CNKSR2: variants seen among roughly 807,000 people sequenced by gnomAD.
CNKSR2 encodes CNK homolog protein 2.
In CNKSR2, 14 loss-of-function variants were observed where a neutral mutation model predicts 84.4. The ratio of observed to expected loss-of-function variants is 0.17; its 90% CI spans 0.11 to 0.26. CNKSR2 has a LOEUF of 0.26. Among genes scored for constraint, CNKSR2 ranks in the 10% least tolerant of loss-of-function variants. The probability of loss-of-function intolerance (pLI) is 1.00; values close to 1 mark genes in which losing one functional copy is unlikely to be tolerated. For missense variants in CNKSR2, 485 were observed against 771.2 expected (o/e 0.63, Z 4.40); for synonymous variants, 275 against 277.9 (o/e 0.99, Z 0.10).
intron 2 of CNKSR2, among the ~76,000 whole-genome samples, chrX:21,430,928 C>T (rs1372115064): frequency 8.9e-6 from 1 of 112,154 alleles, no homozygotes; most frequent in East Asian, 2.8e-4. Flanking sequence ...AAGAATATTA[C>T]AGTTCAAATT....
chrX:21,547,816 T>C (rs1287760415), intron 11 of CNKSR2, among the ~76,000 whole-genome samples: 1 of 112,112 alleles, frequency 8.9e-6, no homozygotes, highest in East Asian at 2.8e-4. Context: ...AACAACCTGC[T>C]CCTGAATGAC....
intron 4 of CNKSR2, 97 bp downstream of exon 4, chrX:21,440,878 G>C: frequency 4.4e-6 from 2 of 454,491 alleles, no homozygotes; most frequent in Non-Finnish European, 7.3e-6. Context: ...TAAGATACTG[G>C]TTTAGAAGTT....
At chrX:21,471,847 C>T (rs138958229) in intron 5 of CNKSR2, among the ~76,000 whole-genome samples, 1,125 of 111,774 alleles carry the variant, frequency 0.01, 20 homozygotes, top group African/African-American at 0.034. Context: ...ATAATTACAA[C>T]TCCCTCACGT....
chrX:21,461,712 A>G (rs1174226891), intron 4 of CNKSR2, among the ~76,000 whole-genome samples: 2 of 112,166 alleles, frequency 1.8e-5, no homozygotes, highest in South Asian at 3.7e-4. Flanking sequence ...TGAATTTTGT[A>G]TATGGCGGGA....
chrX:21,541,277 G>A (rs769213471), intron 11 of CNKSR2, among the ~76,000 whole-genome samples: 2 of 111,513 alleles, frequency 1.8e-5, no homozygotes, highest in Admixed American at 9.5e-5. Flanking sequence ...CACCACGCCC[G>A]GCCTGAAAAT....
intron 5 of CNKSR2, among the ~76,000 whole-genome samples, chrX:21,482,496 G>A (rs768625385): frequency 1.8e-5 from 2 of 112,373 alleles, no homozygotes; most frequent in South Asian, 3.6e-4. Flanking sequence ...TTAGAAGCTT[G>A]TAGTAACAGG....
At chrX:21,378,442 C>T (rs906224058) in intron 1 of CNKSR2, among the ~76,000 whole-genome samples, 4 of 111,304 alleles carry the variant, frequency 3.6e-5, no homozygotes, top group Non-Finnish European at 7.6e-5. Context: ...TTTCCTCCAT[C>T]TGTTATTCTA....
Position 21,386,958 on chromosome X carries a change from G to A in CNKSR2, c.64+11997G>A, listed in dbSNP as rs777268281. ...TGAATTAAAATTAATTTTGTTTGGGGATGTTTTTGAGAATTTCATCACTTT... is the reference window on the plus strand; with the variant it reads ...TGAATTAAAATTAATTTTGTTTGGGAATGTTTTTGAGAATTTCATCACTTT... On this transcript the variant is annotated intron_variant, in intron 1 of 21. Coordinates refer to ENST00000379510, the MANE Select transcript of CNKSR2 (RefSeq NM_014927.5). 3.6e-5 allele frequency among the ~76,000 whole-genome samples: 4 copies of A among 111,837 alleles called. No individual in the cohort carries two copies. The East Asian group carries it at 8.4e-4, about 24-fold the overall frequency.
intron 1 of CNKSR2, among the ~76,000 whole-genome samples, chrX:21,390,212 G>T (rs935744578): frequency 9.0e-6 from 1 of 111,663 alleles, no homozygotes; most frequent in Non-Finnish European, 1.9e-5. Context: ...GTTTATAATT[G>T]ATAATCAGCT....
At chrX:21,438,935 T>C (rs1371655879) in intron 3 of CNKSR2, among the ~76,000 whole-genome samples, 1 of 111,235 alleles carries the variant, frequency 9.0e-6, no homozygotes, top group Non-Finnish European at 1.9e-5. Flanking sequence ...CAACAGAGCT[T>C]TAAAGTGCAT....
chrX:21,580,998 T>C (rs1396033369), intron 13 of CNKSR2, among the ~76,000 whole-genome samples: 2 of 111,808 alleles, frequency 1.8e-5, no homozygotes, highest in East Asian at 5.6e-4. Context: ...CTATGTTAAT[T>C]GTACACATCA....
intron 4 of CNKSR2, among the ~76,000 whole-genome samples, chrX:21,452,733 C>A (rs1274770293): frequency 2.8e-5 from 3 of 108,694 alleles, no homozygotes; most frequent in Non-Finnish European, 1.9e-5. Flanking sequence ...AAGTAGTTCT[C>A]AGCCATTTTA....
chrX:21,462,999 T>C (rs1157459365), intron 4 of CNKSR2, among the ~76,000 whole-genome samples: 2 of 110,685 alleles, frequency 1.8e-5, no homozygotes, highest in Non-Finnish European at 3.8e-5. Flanking sequence ...AGCCACCGAG[T>C]CCGGCTCTAT....
chrX:21,402,936 T>C (rs1041721952), intron 1 of CNKSR2, among the ~76,000 whole-genome samples: 5 of 111,328 alleles, frequency 4.5e-5, no homozygotes, highest in African/African-American at 1.6e-4. Context: ...CTGGCACATA[T>C]AGAAATTTAC....
chrX:21,378,156 A>G (rs1401607998), intron 1 of CNKSR2, among the ~76,000 whole-genome samples: 2 of 111,672 alleles, frequency 1.8e-5, no homozygotes, highest in Admixed American at 1.9e-4. Context: ...ATAAGTAGCT[A>G]TATCCCAAAT....
intron 5 of CNKSR2, among the ~76,000 whole-genome samples, chrX:21,484,862 A>G (rs950176567): frequency 8.9e-6 from 1 of 111,874 alleles, no homozygotes; most frequent in African/African-American, 3.3e-5. Flanking sequence ...GTTTGCACTT[A>G]GAACACTTTC....
At chrX:21,482,618 C>T (rs73203337) in intron 5 of CNKSR2, among the ~76,000 whole-genome samples, 10,575 of 111,688 alleles carry the variant, frequency 0.095, 495 homozygotes, top group Middle Eastern at 0.17. Context: ...CTAATTTTAA[C>T]GCATAATAGG....
chrX:21,614,859 A>G (rs2092569315), intron 20 of CNKSR2, among the ~76,000 whole-genome samples: 1 of 111,458 alleles, frequency 9.0e-6, no homozygotes, highest in African/African-American at 3.3e-5. Context: ...CTGTAATGCA[A>G]GAGCTCCAAG....
chrX:21,385,807 G>A (rs898376946), intron 1 of CNKSR2, among the ~76,000 whole-genome samples: 2 of 110,849 alleles, frequency 1.8e-5, no homozygotes, highest in African/African-American at 6.6e-5. Context: ...CTAGTATCTG[G>A]TAAGGTGGGC....
Sources: allele counts gnomAD v4.1 joint callset (sites outside exome capture counted in the v4.1 genomes callset), GRCh38; gene constraint gnomAD v4.1.1; transcripts MANE v1.5; gene names NCBI Gene and HGNC (gene_info 2026-07-23, HGNC 2026-07-21).